TBC1D23: variants seen among roughly 807,000 people sequenced by gnomAD.
The protein encoded by TBC1D23 is HCV non-structural protein 4A-transactivated protein 1.
Under a neutral mutation model 91.4 loss-of-function variants are expected in TBC1D23, and 55 were observed. The observed-to-expected ratio is 0.60, with a 90% CI of 0.48 to 0.75. TBC1D23 has a LOEUF of 0.75. Among genes scored for constraint, TBC1D23 ranks in the 30% least tolerant of loss-of-function variants. The pLI, the probability that TBC1D23 is intolerant of heterozygous loss-of-function variation, is 0.00. For synonymous variants in TBC1D23, 289 were observed against 281.0 expected (o/e 1.03, Z -0.28); for missense variants, 725 against 836.1 (o/e 0.87, Z 1.64).
At chr3:100,304,702 C>A in intron 11 of TBC1D23, 144 bp from the exon 12 acceptor site, 1 of 619,956 alleles carries the variant, frequency 1.6e-6, no homozygotes, top group Non-Finnish European at 2.9e-6. Flanking sequence ...CCTCTCTCTG[C>A]CAAAGTCCAA....
chr3:100,261,689 T>C (rs2067512358), intron 1 of TBC1D23: 1 of 152,306 alleles, frequency 6.6e-6, no homozygotes, highest in South Asian at 2.0e-4. Flanking sequence ...GTGTGGGACT[T>C]TGCTCTTACT....
At chr3:100,267,026 A>C (rs1256661189) in intron 1 of TBC1D23, among the ~76,000 whole-genome samples, 2 of 152,342 alleles carry the variant, frequency 1.3e-5, no homozygotes, top group Non-Finnish European at 2.9e-5. Context: ...AATTTGAAAC[A>C]GTTTTACAAT....
chr3:100,271,473 A>C (rs1373818203), intron 1 of TBC1D23, among the ~76,000 whole-genome samples: 1 of 152,150 alleles, frequency 6.6e-6, no homozygotes, highest in Non-Finnish European at 1.5e-5. Context: ...TGGCTTCTGA[A>C]AGATCGTGGG....
chr3:100,290,813 T>C, intron 5 of TBC1D23, 112 bp downstream of exon 5: 1 of 971,272 alleles, frequency 1.0e-6, no homozygotes. Context: ...TATAGATCAT[T>C]ACTGTTTAAA....
chr3:100,306,612 C>G, intron 13 of TBC1D23, 69 bp downstream of exon 13: 1 of 849,678 alleles, frequency 1.2e-6, no homozygotes, highest in Non-Finnish European at 2.0e-6. Context: ...AACTACTAAA[C>G]CCCCACCATA....
intron 4 of TBC1D23, among the ~76,000 whole-genome samples, chr3:100,286,742 CA>C (rs796918604): frequency 2.6e-5 from 4 of 152,226 alleles, no homozygotes; most frequent in African/African-American, 9.6e-5. Flanking sequence ...GGGATCCGCC[CA>C]ACTCGACCTC....
chr3:100,318,908 C>T (rs1705802017), intron 16 of TBC1D23, among the ~76,000 whole-genome samples, 161 bp from the exon 17 acceptor site: 1 of 152,142 alleles, frequency 6.6e-6, no homozygotes, highest in Non-Finnish European at 1.5e-5. Context: ...CTGCCTCAGC[C>T]TCCCAAAGTG....
intron 12 of TBC1D23, 65 bp from the exon 13 acceptor site, chr3:100,306,372 G>C (rs1705517585): frequency 9.3e-6 from 8 of 863,648 alleles, no homozygotes; most frequent in Non-Finnish European, 1.5e-5. Flanking sequence ...TATTTCGTTG[G>C]TAATGAATTT....
Position 100,301,071 on chromosome 3 carries a change from G to A in TBC1D23, c.1093-996G>A, listed in dbSNP as rs140973982. On this transcript the variant is annotated intron_variant, in intron 10 of 18. Transcript: ENST00000394144. ...TTTGACATCTTTTTATACATTTTGT[G>A]AACTTATGCAAATATTTCTGTAAAA... Among the ~76,000 whole-genome samples the A allele has an allele frequency of 1.1e-3, 169 of 152,054 alleles. 4 individuals carry two copies. The East Asian group carries it at 0.027, about 24-fold the overall frequency.
intron 1 of TBC1D23, among the ~76,000 whole-genome samples, chr3:100,272,154 C>T (rs1286924318): frequency 6.6e-6 from 1 of 152,098 alleles, no homozygotes; most frequent in Non-Finnish European, 1.5e-5. Flanking sequence ...TACTGTAAAC[C>T]TTTAAAATAC....
chr3:100,324,458 T>C lies in TBC1D23; in HGVS notation c.*790T>C, dbSNP rs1705918567. 6.6e-6 allele frequency: 1 copy of C among 152,222 alleles called. No individual in the cohort carries two copies. Among genetic ancestry groups the C allele is most frequent in the Admixed American group, 6.5e-5 (1 of 15,286 alleles). 9.4% of individuals were successfully genotyped at this position (152,222 alleles called of 1,614,324 possible). The stretch of plus-strand genomic sequence containing the variant: ...TTTTATTACAAGCGGATTATTTTAT[T>C]CATATTTTAAAACAAATGTTTAAGC... On this transcript the variant is annotated 3_prime_UTR_variant, in exon 19 of 19. Transcript: ENST00000394144.
At chr3:100,262,275 C>T (rs112224892) in intron 1 of TBC1D23, among the ~76,000 whole-genome samples, 16 of 151,826 alleles carry the variant, frequency 1.1e-4, no homozygotes, top group Admixed American at 5.3e-4. Context: ...GAGAGGTTGG[C>T]GGTGGGGGCT....
intron 1 of TBC1D23, among the ~76,000 whole-genome samples, chr3:100,262,903 C>T (rs1420592414): frequency 6.6e-6 from 1 of 152,078 alleles, no homozygotes; most frequent in Non-Finnish European, 1.5e-5. Context: ...TCAATTTGGT[C>T]TAGCCACATT....
intron 10 of TBC1D23, chr3:100,301,796 A>G (rs1705437779): frequency 3.2e-6 from 1 of 314,262 alleles, no homozygotes; most frequent in Non-Finnish European, 5.7e-6. Flanking sequence ...TTAAGAAAAA[A>G]CAAGAACAAC....
chr3:100,315,179 T>G (rs980018642), intron 15 of TBC1D23, among the ~76,000 whole-genome samples: 5 of 89,590 alleles, frequency 5.6e-5, no homozygotes, highest in Non-Finnish European at 1.1e-4. Context: ...TTTTTTTTTT[T>G]GAAATGGAGT....
chr3:100,262,728 A>AC (rs1384180246), intron 1 of TBC1D23, among the ~76,000 whole-genome samples: 1 of 150,984 alleles, frequency 6.6e-6, no homozygotes, highest in African/African-American at 2.4e-5. Flanking sequence ...GGTCTCAAAA[A>AC]AAAAAAAAAA....
intron 10 of TBC1D23, among the ~76,000 whole-genome samples, chr3:100,301,666 A>G (rs1705434850): frequency 1.3e-5 from 2 of 152,326 alleles, no homozygotes; most frequent in South Asian, 2.1e-4. Flanking sequence ...ATTTCTGACA[A>G]TCCTCTAAGA....
At chr3:100,320,703 G>A in intron 17 of TBC1D23, 74 bp from the exon 18 acceptor site, 1 of 866,894 alleles carries the variant, frequency 1.2e-6, no homozygotes, top group Admixed American at 3.1e-5. Flanking sequence ...TAATTGAGAT[G>A]GTTGAAACAA....
intron 16 of TBC1D23, among the ~76,000 whole-genome samples, chr3:100,316,513 AT>A (rs1001585836): frequency 2.0e-5 from 3 of 152,092 alleles, no homozygotes; most frequent in African/African-American, 7.2e-5. Flanking sequence ...GAGGCAGTTG[AT>A]TATAGGTGTC....
Sources: allele counts gnomAD v4.1 joint callset (sites outside exome capture counted in the v4.1 genomes callset), GRCh38; gene constraint gnomAD v4.1.1; transcripts MANE v1.5; gene names NCBI Gene and HGNC (gene_info 2026-07-23, HGNC 2026-07-21).